Variants in PDE9A observed in about 807,000 individuals in gnomAD.
PDE9A encodes the protein phosphodiesterase 9A, also known as high affinity cGMP-specific 3',5'-cyclic phosphodiesterase 9A.
In PDE9A, 60 loss-of-function variants were observed where a neutral mutation model predicts 87.4. The ratio of observed to expected loss-of-function variants is 0.69; its 90% CI spans 0.56 to 0.85. PDE9A has a LOEUF of 0.85. Ranked by LOEUF, PDE9A falls within the 40% of genes least tolerant of loss-of-function variation. The probability of loss-of-function intolerance (pLI) is 0.00; values close to 1 mark genes in which losing one functional copy is unlikely to be tolerated. For synonymous variants in PDE9A, 272 were observed against 279.4 expected (o/e 0.97, Z 0.27); for missense variants, 665 against 779.0 (o/e 0.85, Z 1.74).
intron 1 of PDE9A, among the ~76,000 whole-genome samples, chr21:42,658,427 G>A (rs2057251919): frequency 6.6e-6 from 1 of 152,224 alleles, no homozygotes; most frequent in South Asian, 2.1e-4. Flanking sequence ...CAGGGGAGAG[G>A]AGTGCACTGC....
intron 3 of PDE9A, 97 bp downstream of exon 3, chr21:42,688,091 A>C: frequency 9.9e-7 from 1 of 1,008,400 alleles, no homozygotes. Flanking sequence ...TACTGCAGAA[A>C]GGTGTGAATT....
chr21:42,733,278 T>C lies in PDE9A; in HGVS notation c.498-78T>C, dbSNP rs1026970701. The C allele has an allele frequency of 4.9e-6, 4 of 815,696 alleles. No individual in the cohort carries two copies. In the African/African-American group the frequency reaches 6.7e-5, roughly 14 times the overall value. 50.5% of individuals were successfully genotyped at this position (815,696 alleles called of 1,614,324 possible). On this transcript the variant is annotated intron_variant, in intron 6 of 19. Transcript: ENST00000291539. ...GCCCATGCCCACAGCAGGGACTCAG[T>C]AGGTGTTTGCTTAACCGGTTTTGGC...
rs551533992 is a variant in PDE9A, at chr21:42,692,215, C to T, written c.218+4221C>T. ...GGGGACGGAGTGAACCAGTCCAGCT[C>T]GTGCGTGCCTCCCCCTCTGCACTGC... On this transcript the variant is annotated intron_variant, in intron 3 of 19. Transcript: ENST00000291539. This position sits in a 1 kb window ranked among gnomAD's most constrained non-coding sequence, Gnocchi z 4.3. Among the ~76,000 whole-genome samples, 4 of 152,312 alleles carry T rather than the reference C, an allele frequency of 2.6e-5. No homozygotes were observed. The highest frequency in any genetic ancestry group is 1.9e-4 in the East Asian group (1 of 5,190).
chr21:42,732,402 C>G (rs761845687), intron 6 of PDE9A, among the ~76,000 whole-genome samples: 2 of 152,248 alleles, frequency 1.3e-5, no homozygotes, highest in Non-Finnish European at 2.9e-5. Flanking sequence ...ACCGGCTCTT[C>G]TGGGATGGGA....
intron 6 of PDE9A, 85 bp from the exon 7 acceptor site, chr21:42,733,271 G>A (rs535787142): frequency 5.1e-6 from 4 of 779,718 alleles, no homozygotes; most frequent in African/African-American, 3.4e-5. Context: ...CCACAGCAGG[G>A]ACTCAGTAGG....
intron 9 of PDE9A, among the ~76,000 whole-genome samples, chr21:42,752,409 C>T (rs1363302474): frequency 2.0e-5 from 3 of 152,130 alleles, no homozygotes; most frequent in Non-Finnish European, 4.4e-5. Flanking sequence ...GGTGGGATTA[C>T]AGGCACCCAC....
In PDE9A at chr21:42,733,352, C is replaced by T; in HGVS notation, c.498-4C>T. The T allele has an allele frequency of 6.4e-7, 1 of 1,561,778 alleles. No homozygotes were observed. The highest frequency in any genetic ancestry group is 8.8e-7 in the Non-Finnish European group (1 of 1,132,404). ...TTACTCTCTCTTTTCTTTTTCATTC[C>T]TAGAGCATTCAAAATCAATGAACTG... On this transcript the variant is annotated splice_polypyrimidine_tract_variant and splice_region_variant and intron_variant, in intron 6 of 19. Transcript: ENST00000291539.
At chr21:42,684,165 C>A (rs1361434078) in intron 1 of PDE9A, among the ~76,000 whole-genome samples, 1 of 152,272 alleles carries the variant, frequency 6.6e-6, no homozygotes, top group East Asian at 1.9e-4. Flanking sequence ...AAGACACCAA[C>A]CTCCTCAGCA....
Position 42,765,269 on chromosome 21 carries a change from G to A in PDE9A, c.1243-112G>A, listed in dbSNP as rs575057776. 1.2e-3 allele frequency: 773 copies of A among 632,810 alleles called. 2 individuals carry two copies. Among genetic ancestry groups the A allele is most frequent in the Non-Finnish European group, 1.9e-3 (678 of 352,010 alleles). 39.2% of individuals were successfully genotyped at this position (632,810 alleles called of 1,614,324 possible). On this transcript the variant is annotated intron_variant, in intron 14 of 19. Transcript: ENST00000291539. ...GGGTGATGGATGCACATATGAATCG[G>A]AATAAGAGATACATGAAATAATGTG...
At chr21:42,670,185 TTA>T (rs1370736035) in intron 1 of PDE9A, among the ~76,000 whole-genome samples, 3 of 125,954 alleles carry the variant, frequency 2.4e-5, no homozygotes, top group African/African-American at 1.1e-4. Context: ...ACACATACAC[TTA>T]CACACATTCA....
rs975715104 is a variant in PDE9A at position 42,765,369 on chromosome 21, C to G, written c.1243-12C>G. On this transcript the variant is annotated splice_polypyrimidine_tract_variant and intron_variant, in intron 14 of 19. Transcript: ENST00000291539. ...TATACCCGTGTTAACACGTTGTTCT[C>G]TCGCTATTTAGGGAATGATCACATT... 2 of 1,505,516 alleles carry G rather than the reference C, an allele frequency of 1.3e-6. No homozygotes were observed. Among genetic ancestry groups the G allele is most frequent in the Non-Finnish European group, 1.8e-6 (2 of 1,082,482 alleles). 93.3% of individuals were successfully genotyped at this position (1,505,516 alleles called of 1,614,324 possible). A position where few individuals can be genotyped will look rare whatever the true frequency, so the allele number is the denominator to read the frequency against.
At chr21:42,699,838 C>A (rs1258787789) in intron 4 of PDE9A, among the ~76,000 whole-genome samples, 1 of 152,156 alleles carries the variant, frequency 6.6e-6, no homozygotes, top group African/African-American at 2.4e-5. Flanking sequence ...GGATTACAGG[C>A]GTGAGCCACA....
chr21:42,677,049 A>C (rs918730694), intron 1 of PDE9A, among the ~76,000 whole-genome samples: 17 of 152,140 alleles, frequency 1.1e-4, no homozygotes, highest in African/African-American at 3.6e-4. Flanking sequence ...CTCCTGGGGA[A>C]GGGTAGTGTG....
intron 7 of PDE9A, among the ~76,000 whole-genome samples, chr21:42,736,321 A>G (rs1234367662): frequency 6.6e-6 from 1 of 152,190 alleles, no homozygotes; most frequent in Non-Finnish European, 1.5e-5. Flanking sequence ...GCCAGAAGAA[A>G]AGTGTTCCTA....
At chr21:42,775,011 G>A (rs550541520) in intron 19 of PDE9A, among the ~76,000 whole-genome samples, 23 of 150,068 alleles carry the variant, frequency 1.5e-4, no homozygotes, top group Admixed American at 1.1e-3. Flanking sequence ...GTGCAATCTC[G>A]GCTCACTGCA....
intron 16 of PDE9A, 130 bp from the exon 17 acceptor site, chr21:42,768,897 C>T (rs547007061): frequency 1.3e-6 from 2 of 1,490,478 alleles, no homozygotes; most frequent in African/African-American, 2.8e-5. Flanking sequence ...CTTGTTCTTA[C>T]TGAGACACAT....
rs187770476 is a variant in PDE9A at position 42,671,787 on chromosome 21, A to T, written c.70-14405A>T. The stretch of plus-strand genomic sequence containing the variant: ...TGGCCTCTTTTAGCTCATTTAAAAA[A>T]ATATTAAACACTTGGAATTATCGAG... On this transcript the variant is annotated intron_variant, in intron 1 of 19. Transcript: ENST00000291539. Among the ~76,000 whole-genome samples, 14 of 152,360 alleles carry T rather than the reference A, an allele frequency of 9.2e-5. No individual in the cohort carries two copies. The South Asian group carries it at 1.7e-3, about 18-fold the overall frequency.
intron 7 of PDE9A, among the ~76,000 whole-genome samples, chr21:42,735,773 C>A (rs2052340617): frequency 6.6e-6 from 1 of 152,150 alleles, no homozygotes; most frequent in Non-Finnish European, 1.5e-5. Context: ...TGCCAAGGAC[C>A]TTTTTCTACA....
Position 42,675,387 on chromosome 21 carries a change from T to C in PDE9A, c.70-10805T>C, listed in dbSNP as rs2058794026. 6.6e-6 allele frequency among the ~76,000 whole-genome samples: 1 copy of C among 152,234 alleles called. No homozygotes were observed. The highest frequency in any genetic ancestry group is 6.5e-5 in the Admixed American group (1 of 15,292). The stretch of plus-strand genomic sequence containing the variant: ...GCTTGCAGCAGGGCAGCGCAGGGCA[T>C]TGGTTGGGGTATAAATCCGGGGGTG... On this transcript the variant is annotated intron_variant, in intron 1 of 19. Transcript: ENST00000291539. This position sits in a 1 kb window ranked among gnomAD's most constrained non-coding sequence, Gnocchi z 4.3.
Sources: gnomAD v4.1 joint callset for allele counts (sites outside exome capture counted in the v4.1 genomes callset) on GRCh38, gnomAD v4.1.1 for gene constraint, Gnocchi (gnomAD v3.1) non-coding constraint, MANE v1.5 for transcripts, NCBI Gene and HGNC (gene_info 2026-07-23, HGNC 2026-07-21) for gene names.